Variants in LRBA observed in about 807,000 individuals in gnomAD.
LRBA encodes the protein lipopolysaccharide-responsive and beige-like anchor protein.
Under a neutral mutation model 330.0 loss-of-function variants are expected in LRBA, and 176 were observed. The ratio of observed to expected loss-of-function variants is 0.53; its 90% CI spans 0.47 to 0.60. LRBA has a LOEUF of 0.60. LRBA is among the 20% of genes least tolerant of loss of function. LRBA has a pLI of 0.00. For synonymous variants in LRBA, 1,230 were observed against 1,193.0 expected, an observed-to-expected ratio of 1.03 and a Z score of -0.64; for missense variants, 3,259 against 3,444.8, an observed-to-expected ratio of 0.95 and a Z score of 1.35.
chr4:150,658,426 C>G (rs867538869), intron 37 of LRBA, among the ~76,000 whole-genome samples: 4 of 149,476 alleles, frequency 2.7e-5, no homozygotes, highest in Non-Finnish European at 4.4e-5. Flanking sequence ...TGGCTGTTAT[C>G]AAGTTATCAT....
chr4:150,731,326 A>G (rs1344121578), intron 36 of LRBA, among the ~76,000 whole-genome samples: 1 of 152,160 alleles, frequency 6.6e-6, no homozygotes, highest in East Asian at 1.9e-4. Context: ...TATATTGAAG[A>G]TATATCTGTA....
rs1052477403 is a variant in LRBA, at chr4:150,321,469, G to C, written c.7453-101C>G. The C allele has an allele frequency of 1.0e-6, 1 of 978,256 alleles. No individual in the cohort carries two copies. The highest frequency in any genetic ancestry group is 3.3e-4 in the Middle Eastern group (1 of 2,994). The allele number at this position is 978,256 out of a possible 1,614,324, so 60.6% of individuals were successfully genotyped here. Reference sequence around the variant, plus strand: ...AAAGAGAGGGGGTGCAGGAAAAGAAGAGGAAGACCATATTAACATGAGTTG... The same window carrying C: ...AAAGAGAGGGGGTGCAGGAAAAGAACAGGAAGACCATATTAACATGAGTTG... On this transcript the variant is annotated intron_variant, in intron 49 of 56. Transcript: ENST00000651943. This position sits in a 1 kb window ranked among gnomAD's most constrained non-coding sequence, Gnocchi z 4.5.
chr4:150,523,052 G>A (rs1371666300), intron 40 of LRBA, among the ~76,000 whole-genome samples: 1 of 152,158 alleles, frequency 6.6e-6, no homozygotes, highest in Non-Finnish European at 1.5e-5. Context: ...ACTTGCTAAG[G>A]CTAAAACACA....
chr4:150,613,227 C>A (rs1581814795), intron 37 of LRBA, among the ~76,000 whole-genome samples: 1 of 152,126 alleles, frequency 6.6e-6, no homozygotes, highest in African/African-American at 2.4e-5. Context: ...GATAGAAAGT[C>A]ATTATTCTCA....
At chr4:150,491,481 A>G (rs1238102295) in intron 40 of LRBA, among the ~76,000 whole-genome samples, 1 of 152,124 alleles carries the variant, frequency 6.6e-6, no homozygotes, top group Non-Finnish European at 1.5e-5. Flanking sequence ...TACATACATT[A>G]TAATACAAAT....
At chr4:150,499,558 C>A (rs1029688065) in intron 40 of LRBA, among the ~76,000 whole-genome samples, 1 of 151,720 alleles carries the variant, frequency 6.6e-6, no homozygotes, top group South Asian at 2.1e-4. Flanking sequence ...GAGGACTGCT[C>A]GAGCCCAGAA....
At chr4:150,413,689 A>C (rs1747334615) in intron 47 of LRBA, among the ~76,000 whole-genome samples, 1 of 152,182 alleles carries the variant, frequency 6.6e-6, no homozygotes, top group Non-Finnish European at 1.5e-5. Flanking sequence ...CTAAAGCTGG[A>C]ATGTAGTGGC....
intron 36 of LRBA, among the ~76,000 whole-genome samples, chr4:150,705,023 C>A (rs1785480359): frequency 6.6e-6 from 1 of 152,036 alleles, no homozygotes; most frequent in Non-Finnish European, 1.5e-5. Context: ...AATGAATTCA[C>A]ATGAAGTGAT....
intron 37 of LRBA, among the ~76,000 whole-genome samples, chr4:150,657,151 G>A (rs1780273271): frequency 6.6e-6 from 1 of 152,202 alleles, no homozygotes; most frequent in Non-Finnish European, 1.5e-5. Flanking sequence ...ATCAGGAAAT[G>A]ATGAACAGCA....
In LRBA at chr4:150,654,880, T is replaced by C. The variant is rs866937633; in HGVS notation, c.5921+28671A>G. ...CCTACAAAGGACATTAACTCATCCT[T>C]TTTTATGGCTGCATAGTATTCCATG... On this transcript the variant is annotated intron_variant, in intron 37 of 56. Transcript: ENST00000651943. Among the ~76,000 whole-genome samples, 9 of 152,112 alleles carry C rather than the reference T, an allele frequency of 5.9e-5. 1 individual carries two copies. Among genetic ancestry groups the C allele is most frequent in the African/African-American group, 1.2e-4 (5 of 41,412 alleles).
chr4:150,846,125 A>G (rs1749804203), intron 26 of LRBA, among the ~76,000 whole-genome samples: 1 of 152,224 alleles, frequency 6.6e-6, no homozygotes, highest in Admixed American at 6.5e-5. Flanking sequence ...ACTGGAGATC[A>G]TTATCTTAAG....
chr4:150,471,931 T>C (rs1480170955), intron 42 of LRBA, among the ~76,000 whole-genome samples, 192 bp from the exon 43 acceptor site: 1 of 152,096 alleles, frequency 6.6e-6, no homozygotes, highest in Admixed American at 6.6e-5. Flanking sequence ...ACAGAGGTAT[T>C]ATACATGTTG....
At position 150,565,687 on chromosome 4, in the gene LRBA, CT is replaced by C. The variant is rs1769035463; in HGVS notation, c.6330+22360del. On this transcript the variant is annotated intron_variant, in intron 40 of 56. Coordinates refer to ENST00000651943, the MANE Select transcript of LRBA (RefSeq NM_001364905.1). ...AGTACAAGCTGCACACAATGGAATCCTGACTTACTTCTTTAACACATAAAAC... is the reference window on the plus strand; with the variant it reads ...AGTACAAGCTGCACACAATGGAATCCGACTTACTTCTTTAACACATAAAAC... Among the ~76,000 whole-genome samples the C allele has an allele frequency of 5.3e-5, 8 of 152,128 alleles. No individual in the cohort carries two copies. The South Asian group carries it at 1.7e-3, about 32-fold the overall frequency.
intron 37 of LRBA, among the ~76,000 whole-genome samples, chr4:150,661,330 A>G (rs1161581316): frequency 1.7e-4 from 26 of 151,566 alleles, no homozygotes; most frequent in Admixed American, 3.9e-4. Context: ...GTGTGGCGGC[A>G]GGCACCTATA....
At chr4:150,775,023 T>C (rs1442054891) in intron 34 of LRBA, among the ~76,000 whole-genome samples, 1 of 152,192 alleles carries the variant, frequency 6.6e-6, no homozygotes, top group Non-Finnish European at 1.5e-5. Flanking sequence ...CTGCTTTGAC[T>C]CTGCTGTCCA....
intron 40 of LRBA, among the ~76,000 whole-genome samples, chr4:150,493,265 T>C (rs962362489): frequency 4.6e-5 from 7 of 152,190 alleles, no homozygotes; most frequent in Non-Finnish European, 7.4e-5. Flanking sequence ...ATTATAGGCA[T>C]GGGCCACTAC....
intron 40 of LRBA, chr4:150,579,455 A>G (rs910851503): frequency 3.2e-5 from 13 of 404,572 alleles, no homozygotes; most frequent in Non-Finnish European, 6.3e-5. Context: ...GTTTCTAATT[A>G]GTACCACGGC....
At chr4:150,624,040 A>C (rs1239450438) in intron 37 of LRBA, among the ~76,000 whole-genome samples, 1 of 152,180 alleles carries the variant, frequency 6.6e-6, no homozygotes, top group Non-Finnish European at 1.5e-5. Context: ...CTATATGAAC[A>C]GATTACATTA....
chr4:150,645,869 A>C (rs1212821595), intron 37 of LRBA, among the ~76,000 whole-genome samples: 1 of 151,648 alleles, frequency 6.6e-6, no homozygotes. Flanking sequence ...TATGAACCCC[A>C]ATTAAGTAAA....
Sources: allele counts gnomAD v4.1 joint callset (sites outside exome capture counted in the v4.1 genomes callset), GRCh38; gene constraint gnomAD v4.1.1; non-coding constraint Gnocchi (gnomAD v3.1); transcripts MANE v1.5; gene names NCBI Gene and HGNC (gene_info 2026-07-23, HGNC 2026-07-21).